The following SUCLA2 variants were observed in gnomAD, a reference collection of about 807,000 sequenced individuals.
SUCLA2 encodes succinate--CoA ligase [ADP-forming] subunit beta, mitochondrial.
In SUCLA2, 30 loss-of-function variants were observed where a neutral mutation model predicts 54.8. The observed-to-expected ratio is 0.55, with a 90% CI of 0.41 to 0.74. The LOEUF (loss-of-function observed/expected upper bound fraction) is 0.74. Among genes scored for constraint, SUCLA2 ranks in the 30% least tolerant of loss-of-function variants. SUCLA2 has a pLI of 0.00. For synonymous variants in SUCLA2, 172 were observed against 188.9 expected, an observed-to-expected ratio of 0.91 and a Z score of 0.74; for missense variants, 476 against 562.9, an observed-to-expected ratio of 0.85 and a Z score of 1.56.
At chr13:47,986,032 T>TG (rs1173419863) in intron 4 of SUCLA2, among the ~76,000 whole-genome samples, 2 of 130,514 alleles carry the variant, frequency 1.5e-5, no homozygotes, top group Admixed American at 7.6e-5. Flanking sequence ...ATGTATAGTT[T>TG]TTTTTTTTTT....
rs1950159805 is a variant in SUCLA2, at chr13:47,992,769, G to GAAAATATTTA, written c.272-3789_272-3788insTAAATATTTT. Among the ~76,000 whole-genome samples, 10 of 152,250 alleles carry GAAAATATTTA rather than the reference G, an allele frequency of 6.6e-5. No homozygotes were observed. In the South Asian group the frequency reaches 2.1e-3, roughly 32 times the overall value. On this transcript the variant is annotated intron_variant, in intron 2 of 10. Transcript: ENST00000646932. ...CTAACTAATAAATATTTAAAAGAAA[G>GAAAATATTTA]AAAGAAGGTAAAGTCCTATTATATG... is the stretch of plus-strand genomic sequence containing the variant.
In SUCLA2 at chr13:47,954,426, T is replaced by G; in HGVS notation, c.934A>C (p.Ile312Leu). ...CAGCCTATATTTCCATCGAGGCCAA[T>G]GTAGTTGAGATTTGCCTTAGCAGCA... ...KDAAKANLNY[I>L]GLDGNIGCLV... Residue 312 changes from isoleucine to leucine, a missense_variant, in exon 7 of 11, where the codon ATT becomes CTT. By Grantham distance (5) the Ile-to-Leu change is conservative. Transcript: ENST00000646932. The G allele has an allele frequency of 1.2e-6, 2 of 1,614,006 alleles. No individual in the cohort carries two copies. Among genetic ancestry groups the G allele is most frequent in the Non-Finnish European group, 1.7e-6 (2 of 1,179,906 alleles).
At position 47,954,207 on chromosome 13, in the gene SUCLA2, T is replaced by G; in HGVS notation, c.1040A>C (p.Asp347Ala). The G allele has an allele frequency of 6.2e-7, 1 of 1,613,910 alleles. No individual in the cohort carries two copies. The highest frequency in any genetic ancestry group is 8.5e-7 in the Non-Finnish European group (1 of 1,179,858). Residue 347 changes from aspartate (D) to alanine (A), a missense_variant, in exon 8 of 11, where the codon GAT (aspartate) becomes GCT (alanine). Asp to Ala is a moderately radical substitution (Grantham distance 126). Transcript: ENST00000646932. ...ATGGACTGTAGCACCACCACCAACA[T>G]CAAGGAAGTTGGCTGGAGTCCCTCC... ...LHGGTPANFLDVGGGATVHQV... is the reference protein window; with the variant it reads ...LHGGTPANFLAVGGGATVHQV...
At chr13:47,994,058 CAAAA>C (rs59292218) in intron 2 of SUCLA2, among the ~76,000 whole-genome samples, 1 of 131,150 alleles carries the variant, frequency 7.6e-6, no homozygotes. Context: ...AACTCCGTCT[CAAAA>C]AAAAAAAAAA....
intron 1 of SUCLA2, among the ~76,000 whole-genome samples, chr13:47,998,641 G>A (rs1593506689): frequency 6.6e-6 from 1 of 152,186 alleles, no homozygotes; most frequent in African/African-American, 2.4e-5. Flanking sequence ...AAAGAAGCCA[G>A]AAACAAGAAT....
At chr13:47,990,909 G>C (rs1286336638) in intron 2 of SUCLA2, among the ~76,000 whole-genome samples, 1 of 152,188 alleles carries the variant, frequency 6.6e-6, no homozygotes, top group Non-Finnish European at 1.5e-5. Flanking sequence ...GCCTTCACCA[G>C]AAATACATGC....
At chr13:47,964,788 C>T (rs1197688235) in intron 6 of SUCLA2, among the ~76,000 whole-genome samples, 3 of 151,852 alleles carry the variant, frequency 2.0e-5, no homozygotes, top group South Asian at 4.2e-4. Context: ...ACCTGGGAGG[C>T]GGAGCTTGCA....
At chr13:47,955,266 C>T (rs930082021) in intron 6 of SUCLA2, among the ~76,000 whole-genome samples, 3 of 152,070 alleles carry the variant, frequency 2.0e-5, no homozygotes, top group Non-Finnish European at 2.9e-5. Flanking sequence ...CAGTGGCATG[C>T]TCTCAGCTCA....
At chr13:47,971,995 A>C (rs574155611) in intron 5 of SUCLA2, 2 of 396,174 alleles carry the variant, frequency 5.0e-6, no homozygotes, top group African/African-American at 2.1e-5. Context: ...TCACGCCTGT[A>C]ATCTTAGCAC....
chr13:47,997,478 T>C (rs1284802006), intron 1 of SUCLA2, among the ~76,000 whole-genome samples: 1 of 152,226 alleles, frequency 6.6e-6, no homozygotes, highest in African/African-American at 2.4e-5. Flanking sequence ...TTCAAAACCA[T>C]GGCTTCATCT....
intron 1 of SUCLA2, among the ~76,000 whole-genome samples, chr13:47,999,386 T>C (rs955306590): frequency 6.6e-6 from 1 of 152,046 alleles, no homozygotes; most frequent in Non-Finnish European, 1.5e-5. Flanking sequence ...TACCAAGAAA[T>C]TGGAGGAGGG....
At chr13:47,989,297 G>A (rs576506959) in intron 2 of SUCLA2, among the ~76,000 whole-genome samples, 26 of 149,068 alleles carry the variant, frequency 1.7e-4, no homozygotes, top group East Asian at 1.2e-3. Flanking sequence ...TGTAAGCTCC[G>A]CCTCCCAGGT....
intron 5 of SUCLA2, chr13:47,971,557 G>T: frequency 3.8e-6 from 1 of 264,982 alleles, no homozygotes. Flanking sequence ...CTTTTTTTTA[G>T]TGGGGGGAAG....
rs2137754191 is a variant in SUCLA2, at chr13:47,996,981, C to G, written c.133G>C (p.Val45Leu). 1 of 1,614,078 alleles carries G rather than the reference C, an allele frequency of 6.2e-7. No individual in the cohort carries two copies. Among genetic ancestry groups the G allele is most frequent in the East Asian group, 2.2e-5 (1 of 44,870 alleles). The change falls in exon 2 of 11, where the codon GTA (valine) becomes CTA (leucine). Residue 45 changes from valine to leucine, a missense_variant. Transcript: ENST00000646932. ...AGATTCCTTTGCTGTTGCTGCTGTA[C>G]TTGGAGTCCATGGTTATTAAACAAT... The part of the protein sequence containing the change: ...SGLFNNHGLQ[V>L]QQQQQRNLSL...
rs11404279 is a variant in SUCLA2 at position 47,951,989 on chromosome 13, T to TAA, written c.1107+2149_1107+2150dup. Among the ~76,000 whole-genome samples the TAA allele has an allele frequency of 7.8e-3, 1,021 of 131,028 alleles. 7 individuals carry two copies. Among genetic ancestry groups the TAA allele is most frequent in the African/African-American group, 0.023 (821 of 35,166 alleles). 86.0% of individuals were successfully genotyped at this position (131,028 alleles called of 152,430 possible). On this transcript the variant is annotated intron_variant, in intron 8 of 10. Coordinates refer to ENST00000646932, the MANE Select transcript of SUCLA2 (RefSeq NM_003850.3). The stretch of plus-strand genomic sequence containing the variant: ...GCACTGCATCCCTTCCATGCCTTTG[T>TAA]AAAAAAAAAAAAAAAAAAAGTCCTG...
Position 47,996,913 on chromosome 13 carries a change from A to G in SUCLA2, c.201T>C (p.Ala67=). The part of the protein sequence containing the change: ...EYMSMELLQE[A]GVSVPKGYVA... ...CATATCCTTTGGGAACGGAGACACC[A>G]GCTTCTTGCAATAATTCCATACTCA... Residue 67 remains alanine (A), a synonymous_variant, in exon 2 of 11, where the codon GCT becomes GCC. Transcript: ENST00000646932. The G allele has an allele frequency of 1.9e-6, 3 of 1,614,042 alleles. No individual in the cohort carries two copies. Among genetic ancestry groups the G allele is most frequent in the Non-Finnish European group, 1.7e-6 (2 of 1,179,954 alleles).
At chr13:47,980,586 AG>A (rs1265068099) in intron 4 of SUCLA2, among the ~76,000 whole-genome samples, 1 of 152,040 alleles carries the variant, frequency 6.6e-6, no homozygotes, top group Non-Finnish European at 1.5e-5. Flanking sequence ...TTATAAAAAT[AG>A]AAAAATACAC....
chr13:47,965,154 G>A (rs186890012), intron 6 of SUCLA2, among the ~76,000 whole-genome samples: 34 of 151,966 alleles, frequency 2.2e-4, no homozygotes, highest in African/African-American at 7.7e-4. Context: ...AAGCTCTTCC[G>A]TATAATACAA....
intron 6 of SUCLA2, among the ~76,000 whole-genome samples, chr13:47,964,545 G>A (rs1190907080): frequency 6.6e-6 from 1 of 152,146 alleles, no homozygotes; most frequent in African/African-American, 2.4e-5. Context: ...AACTGTTTGG[G>A]TATATACAGC....
Sources: allele counts gnomAD v4.1 joint callset (sites outside exome capture counted in the v4.1 genomes callset), GRCh38; gene constraint gnomAD v4.1.1; transcripts MANE v1.5; gene names NCBI Gene and HGNC (gene_info 2026-07-23, HGNC 2026-07-21).